PPFIA4: variants seen among roughly 807,000 people sequenced by gnomAD.
The protein encoded by PPFIA4 is liprin-alpha-4.
In PPFIA4, 98 loss-of-function variants were observed where a neutral mutation model predicts 145.7. The ratio of observed to expected loss-of-function variants is 0.67; its 90% confidence interval spans 0.57 to 0.80. The LOEUF (loss-of-function observed/expected upper bound fraction) is 0.80. PPFIA4 is among the 30% of genes least tolerant of loss of function. The pLI, the probability that PPFIA4 is intolerant of heterozygous loss-of-function variation, is 0.00. For missense variants in PPFIA4, 1,457 were observed against 1,632.7 expected, an observed-to-expected ratio of 0.89 and a Z score of 1.85; for synonymous variants, 628 against 649.6, an observed-to-expected ratio of 0.97 and a Z score of 0.51.
chr1:203,076,233 C>T lies in PPFIA4; in HGVS notation c.3575-108C>T, dbSNP rs774999261. Reference sequence around the variant, plus strand: ...GCTTCGTCTGGCCTGGGGCGCTTTGCGCTTGGAGCACGCTGCGTTGCCGCT... The same window carrying T: ...GCTTCGTCTGGCCTGGGGCGCTTTGTGCTTGGAGCACGCTGCGTTGCCGCT... On this transcript the variant is annotated intron_variant, in intron 29 of 29. Transcript: ENST00000295706. 5.2e-5 allele frequency: 67 copies of T among 1,281,140 alleles called. 1 individual carries two copies. The highest frequency in any genetic ancestry group is 6.9e-5 in the Non-Finnish European group (62 of 894,814). 79.4% of individuals were successfully genotyped at this position (1,281,140 alleles called of 1,614,324 possible).
At chr1:203,051,420 G>A in intron 13 of PPFIA4, 1 of 769,598 alleles carries the variant, frequency 1.3e-6, no homozygotes. Flanking sequence ...TGTGTCAGAT[G>A]GCCGGAGAGC....
rs747807154 is a variant in PPFIA4, at chr1:203,055,601, G to A, written c.1999G>A (p.Gly667Ser). Residue 667 changes from glycine to serine, a missense_variant, in exon 16 of 30, where the codon GGC becomes AGC. By Grantham distance (56) the Gly-to-Ser change is moderately conservative (BLOSUM62 0). Transcript: ENST00000295706. This position sits in a 1 kb window ranked among gnomAD's most constrained non-coding sequence, Gnocchi z 4.8. ...GGCCAGCGCGTCCCCACCACTCAGCGGCCGCTCCACACCTAAGCTCACCTC... is the reference window on the plus strand; with the variant it reads ...GGCCAGCGCGTCCCCACCACTCAGCAGCCGCTCCACACCTAAGCTCACCTC... ...SLASASPPLS[G>S]RSTPKLTSRS... is the part of the protein sequence containing the mutation. 24 of 1,613,972 alleles carry A rather than the reference G, an allele frequency of 1.5e-5. No homozygotes were observed. Among genetic ancestry groups the A allele is most frequent in the Admixed American group, 1.2e-4 (7 of 60,032 alleles).
At position 203,060,909 on chromosome 1, in the gene PPFIA4, G is replaced by A. The variant is rs1472394055; in HGVS notation, c.2785-61G>A. On this transcript the variant is annotated intron_variant, in intron 22 of 29. Transcript: ENST00000295706. The surrounding 1 kb of genome is among the most constrained non-coding windows in gnomAD (Gnocchi z 4.8). ...TTTGTCCTTGTCCTTTGGGCTCCCAGCCTGATGGGGATCCTGGGGACCCAC... is the reference window on the plus strand; with the variant it reads ...TTTGTCCTTGTCCTTTGGGCTCCCAACCTGATGGGGATCCTGGGGACCCAC... 6.6e-7 allele frequency: 1 copy of A among 1,525,876 alleles called. No individual in the cohort carries two copies. The allele number at this position is 1,525,876 out of a possible 1,614,324, so 94.5% of individuals were successfully genotyped here.
At position 203,039,229 on chromosome 1, in the gene PPFIA4, C is replaced by A. The variant is rs757905047; in HGVS notation, c.221C>A (p.Ser74Tyr). Residue 74 changes from serine to tyrosine, a missense_variant, in exon 2 of 30, where the codon TCC (serine) becomes TAC (tyrosine). Ser to Tyr is a moderately radical substitution (Grantham distance 144). Around this residue, in one of 3 missense-constraint regions of PPFIA4, gnomAD observed 463 missense variants for 459.8 expected, o/e 1.01. Coordinates refer to ENST00000295706, the MANE Select transcript of PPFIA4 (RefSeq NM_001304331.2). ...GACCAGCTCCAGCGCCACCTTAACT[C>A]CGCCCTCCCCCAGGTAAGGCCCGAA... The part of the protein sequence containing the change: ...ERDQLQRHLN[S>Y]ALPQEFATLT... 9.4e-5 allele frequency: 150 copies of A among 1,588,382 alleles called. No individual in the cohort carries two copies. Among genetic ancestry groups the A allele is most frequent in the Non-Finnish European group, 1.3e-4 (150 of 1,168,576 alleles).
chr1:203,076,548 C>T lies in PPFIA4; in HGVS notation c.*158C>T. On this transcript the variant is annotated 3_prime_UTR_variant, in exon 30 of 30. Transcript: ENST00000295706. ...AATATATTCGTCCACCCCCTCGGCACCCCATTACCCCGAGTCCCACCGTGT... is the reference window on the plus strand; with the variant it reads ...AATATATTCGTCCACCCCCTCGGCATCCCATTACCCCGAGTCCCACCGTGT... 1 of 690,774 alleles carries T rather than the reference C, an allele frequency of 1.4e-6. No individual in the cohort carries two copies. The highest frequency in any genetic ancestry group is 2.5e-6 in the Non-Finnish European group (1 of 403,556). The allele number at this position is 690,774 out of a possible 1,614,324, so 42.8% of individuals were successfully genotyped here.
Position 203,053,954 on chromosome 1 carries a change from GA to G in PPFIA4, c.1825del (p.Ile609SerfsTer3). 1.3e-6 allele frequency: 2 copies of G among 1,563,142 alleles called. No individual in the cohort carries two copies. The highest frequency in any genetic ancestry group is 1.7e-6 in the Non-Finnish European group (2 of 1,153,702). ...LQEQLDAINE[E>X]IRMIQEEKES... is the part of the protein sequence containing the mutation. ...GGAGCAGCTGGATGCCATCAATGAG[GA>G]AATCAGGTTAGGGCAGGGCTGGAGG... On this transcript the variant is annotated frameshift_variant, in exon 15 of 30. Transcript: ENST00000295706. LOFTEE classifies it high-confidence loss of function.
chr1:203,037,751 C>T lies in PPFIA4; in HGVS notation c.-399-859C>T, dbSNP rs374054715. Among the ~76,000 whole-genome samples the T allele has an allele frequency of 1.7e-3, 254 of 152,278 alleles. 12 individuals are homozygous for T. The South Asian group carries it at 0.047, about 28-fold the overall frequency. On this transcript the variant is annotated intron_variant, in intron 1 of 29. Coordinates refer to ENST00000295706, the MANE Select transcript of PPFIA4 (RefSeq NM_001304331.2). Reference sequence around the variant, plus strand: ...CTGCAGTGTCAGCAATGGGTAATGACGCCAAGAGAGCAGATTCTCAGCCAT... The same window carrying T: ...CTGCAGTGTCAGCAATGGGTAATGATGCCAAGAGAGCAGATTCTCAGCCAT...
chr1:203,027,494 C>T (rs1365570273), intron 1 of PPFIA4, among the ~76,000 whole-genome samples: 1 of 152,144 alleles, frequency 6.6e-6, no homozygotes, highest in Non-Finnish European at 1.5e-5. Context: ...TAGTTTCCAT[C>T]AGAGGAGCAG....
In PPFIA4 at chr1:203,043,920, C is replaced by A; in HGVS notation, c.337-11C>A. 6.3e-7 allele frequency: 1 copy of A among 1,590,738 alleles called. No individual in the cohort carries two copies. Among genetic ancestry groups the A allele is most frequent in the Non-Finnish European group, 8.6e-7 (1 of 1,167,210 alleles). On this transcript the variant is annotated splice_polypyrimidine_tract_variant and intron_variant, in intron 3 of 29. Transcript: ENST00000295706. This position sits in a 1 kb window ranked among gnomAD's most constrained non-coding sequence, Gnocchi z 4.4. ...GCCCTCCCTCTCACCCTCCCCTGCT[C>A]TCCCTGCCAGCTGCTTCTGGAACAT...
At chr1:203,057,873 ATC>A (rs1661084951) in intron 19 of PPFIA4, among the ~76,000 whole-genome samples, 1 of 151,982 alleles carries the variant, frequency 6.6e-6, no homozygotes, top group Non-Finnish European at 1.5e-5. Context: ...CCAGGGAGAC[ATC>A]TGTGTGTGGA....
chr1:203,053,597 T>C (rs1159001760), intron 14 of PPFIA4, 156 bp from the exon 15 acceptor site: 1 of 644,514 alleles, frequency 1.6e-6, no homozygotes, highest in Non-Finnish European at 2.7e-6. Flanking sequence ...AAAATGCAGA[T>C]GTTGAATCAG....
At chr1:203,050,055 G>GCA (rs1446370993) in intron 13 of PPFIA4, among the ~76,000 whole-genome samples, 1 of 152,192 alleles carries the variant, frequency 6.6e-6, no homozygotes, top group African/African-American at 2.4e-5. Flanking sequence ...TTGACAGAGG[G>GCA]CACACCCCTG....
intron 23 of PPFIA4, chr1:203,061,325 T>C: frequency 1.8e-6 from 1 of 545,478 alleles, no homozygotes; most frequent in Non-Finnish European, 3.2e-6. Flanking sequence ...TGCCCTGCTA[T>C]GGACCTGAGC....
chr1:203,072,002 C>A (rs908185178), intron 28 of PPFIA4, among the ~76,000 whole-genome samples: 18 of 152,176 alleles, frequency 1.2e-4, no homozygotes, highest in Non-Finnish European at 4.4e-5. Context: ...GCTGAAGGCC[C>A]ATGTGTTGTA....
chr1:203,055,582 C>T lies in PPFIA4; in HGVS notation c.1980C>T (p.Ser660=), dbSNP rs368041193. 5.1e-5 allele frequency: 83 copies of T among 1,614,012 alleles called. No individual in the cohort carries two copies. In the African/African-American group the frequency reaches 8.0e-4, roughly 16 times the overall value. ...PTSLTALSLA[S]ASPPLSGRST... is the part of the protein sequence containing the mutation. ...CTCTGACGGCCCTGTCCCTGGCCAGCGCGTCCCCACCACTCAGCGGCCGCT... is the reference window on the plus strand; with the variant it reads ...CTCTGACGGCCCTGTCCCTGGCCAGTGCGTCCCCACCACTCAGCGGCCGCT... Residue 660 remains serine, a synonymous_variant, in exon 16 of 30, where the codon AGC becomes AGT. Transcript: ENST00000295706. The surrounding 1 kb of genome is among the most constrained non-coding windows in gnomAD (Gnocchi z 4.8).
At position 203,048,127 on chromosome 1, in the gene PPFIA4, T is replaced by C; in HGVS notation, c.1141-100T>C. The stretch of plus-strand genomic sequence containing the variant: ...TGAGCGTCACTGGTACTGGGGGCCA[T>C]GATCCCCAGGGCCACCCTGGCACCA... On this transcript the variant is annotated intron_variant, in intron 9 of 29. Transcript: ENST00000295706. This position sits in a 1 kb window ranked among gnomAD's most constrained non-coding sequence, Gnocchi z 5.8. 1.8e-6 allele frequency: 2 copies of C among 1,100,592 alleles called. No homozygotes were observed. Among genetic ancestry groups the C allele is most frequent in the Non-Finnish European group, 2.7e-6 (2 of 737,254 alleles). The allele number at this position is 1,100,592 out of a possible 1,614,324, so 68.2% of individuals were successfully genotyped here. A position where few individuals can be genotyped will look rare whatever the true frequency, so the allele number is the denominator to read the frequency against.
chr1:203,076,582 T>C lies in PPFIA4; in HGVS notation c.*192T>C, dbSNP rs1662567527. The C allele has an allele frequency of 6.5e-6, 4 of 611,224 alleles. No individual in the cohort carries two copies. The African/African-American group carries it at 7.4e-5, about 11-fold the overall frequency. The allele number at this position is 611,224 out of a possible 1,614,324, so 37.9% of individuals were successfully genotyped here. On this transcript the variant is annotated 3_prime_UTR_variant, in exon 30 of 30. Coordinates refer to ENST00000295706, the MANE Select transcript of PPFIA4 (RefSeq NM_001304331.2). ...CCCGAGTCCCACCGTGTGTCCGTTGTAAGTCCGGTGGATGTGGCTGGGGTT... is the reference window on the plus strand; with the variant it reads ...CCCGAGTCCCACCGTGTGTCCGTTGCAAGTCCGGTGGATGTGGCTGGGGTT...
chr1:203,062,823 A>G (rs1287061011), intron 24 of PPFIA4: 3 of 152,248 alleles, frequency 2.0e-5, no homozygotes, highest in Non-Finnish European at 1.5e-5. Flanking sequence ...AGTGTAAAAC[A>G]GTTTTTTACA....
chr1:203,028,167 A>G (rs882487), intron 1 of PPFIA4, among the ~76,000 whole-genome samples: 73 of 152,152 alleles, frequency 4.8e-4, no homozygotes, highest in African/African-American at 1.8e-3. Context: ...AGTGTGGGGG[A>G]GGAGGGTGTA....
Sources: allele counts gnomAD v4.1 joint callset (sites outside exome capture counted in the v4.1 genomes callset), GRCh38; gene constraint gnomAD v4.1.1; regional missense constraint gnomAD v4.1.1; non-coding constraint Gnocchi (gnomAD v3.1); transcripts MANE v1.5; gene names NCBI Gene and HGNC (gene_info 2026-07-23, HGNC 2026-07-21).